The following SCLT1 variants were observed in gnomAD, a reference collection of about 807,000 sequenced individuals.
SCLT1 encodes the protein sodium channel-associated protein 1.
SCLT1 carries 78 observed loss-of-function variants against 112.8 expected under a neutral mutation model. The observed-to-expected ratio is 0.69, with a 90% CI of 0.58 to 0.83. The LOEUF is 0.83. SCLT1 is among the 40% of genes least tolerant of loss of function. The pLI, the probability that SCLT1 is intolerant of heterozygous loss-of-function variation, is 0.00. For synonymous variants in SCLT1, 257 were observed against 254.7 expected (o/e 1.01, Z -0.09); for missense variants, 747 against 770.4 (o/e 0.97, Z 0.36).
chr4:128,975,604 T>C lies in SCLT1; in HGVS notation c.687-5136A>G, dbSNP rs527421444. ...TTGCATACAGTGAAAAATGGTAAGATTCTCAGATATAAAAGCTAGTTTTTG... is the reference window on the plus strand; with the variant it reads ...TTGCATACAGTGAAAAATGGTAAGACTCTCAGATATAAAAGCTAGTTTTTG... On this transcript the variant is annotated intron_variant, in intron 9 of 20. Transcript: ENST00000281142. Among the ~76,000 whole-genome samples, 4 of 152,310 alleles carry C rather than the reference T, an allele frequency of 2.6e-5. No individual in the cohort carries two copies. In the East Asian group the frequency reaches 7.7e-4, roughly 29 times the overall value.
intron 10 of SCLT1, among the ~76,000 whole-genome samples, chr4:128,967,399 AC>A (rs1205055973): frequency 2.0e-5 from 3 of 152,212 alleles, no homozygotes; most frequent in African/African-American, 7.2e-5. Context: ...GTTGAATGGC[AC>A]TTCTGTTTTG....
chr4:128,982,803 G>C (rs1285401169), intron 9 of SCLT1, among the ~76,000 whole-genome samples: 1 of 151,672 alleles, frequency 6.6e-6, no homozygotes, highest in East Asian at 2.0e-4. Context: ...CACCTGGCCA[G>C]CTAAAATTAT....
rs533177585 is a variant in SCLT1, at chr4:128,941,069, A to T, written c.1632+1927T>A. ...CATGATTTTTTATTCGGTTACAAAT[A>T]GTTTTCTCTTATATTTTTAAAAGCT... On this transcript the variant is annotated intron_variant, in intron 17 of 20. Coordinates refer to ENST00000281142, the MANE Select transcript of SCLT1 (RefSeq NM_144643.4). 1.2e-4 allele frequency among the ~76,000 whole-genome samples: 18 copies of T among 152,112 alleles called. No individual in the cohort carries two copies. The South Asian group carries it at 3.7e-3, about 32-fold the overall frequency.
intron 18 of SCLT1, among the ~76,000 whole-genome samples, chr4:128,928,009 T>G (rs983962125): frequency 6.6e-6 from 1 of 151,910 alleles, no homozygotes; most frequent in African/African-American, 2.4e-5. Flanking sequence ...TTGACATATA[T>G]CTATAAAAAT....
chr4:128,882,617 A>T (rs533089351), downstream of SCLT1, among the ~76,000 whole-genome samples: 1 of 152,322 alleles, frequency 6.6e-6, no homozygotes, highest in African/African-American at 2.4e-5. Flanking sequence ...GGTGCTAGGG[A>T]TAAAATGAAT....
chr4:129,051,321 T>C (rs1002837911), intron 2 of SCLT1, among the ~76,000 whole-genome samples: 20 of 152,304 alleles, frequency 1.3e-4, no homozygotes, highest in Non-Finnish European at 1.6e-4. Context: ...TTGCACAGCA[T>C]GGCCATTTTC....
At chr4:129,072,760 C>A (rs923629430) in intron 2 of SCLT1, among the ~76,000 whole-genome samples, 3 of 152,010 alleles carry the variant, frequency 2.0e-5, no homozygotes, top group African/African-American at 7.2e-5. Flanking sequence ...CTTGTCCCTC[C>A]CTGATTAGCT....
intron 5 of SCLT1, among the ~76,000 whole-genome samples, chr4:129,025,139 A>C (rs1238188272): frequency 1.3e-5 from 2 of 152,242 alleles, no homozygotes; most frequent in Admixed American, 6.5e-5. Flanking sequence ...GATATTATTC[A>C]GGAGAACTTC....
intron 18 of SCLT1, among the ~76,000 whole-genome samples, chr4:128,897,153 T>G (rs529256578): frequency 2.2e-4 from 34 of 152,032 alleles, no homozygotes; most frequent in Admixed American, 4.6e-4. Context: ...CCAACGTTCA[T>G]ATTCAGGAAA....
chr4:129,082,375 T>C lies in SCLT1; in HGVS notation c.35-2A>G. The C allele has an allele frequency of 6.3e-7, 1 of 1,581,186 alleles. No individual in the cohort carries two copies. The highest frequency in any genetic ancestry group is 8.6e-7 in the Non-Finnish European group (1 of 1,160,438). On this transcript the variant is annotated splice_acceptor_variant, in intron 1 of 20. Transcript: ENST00000281142. LOFTEE classifies it high-confidence loss of function. ...TAAAATCTTCATTTAGTCTTCGATC[T>C]GAAACAAGCGGGAAAACAGATTTCA... is the stretch of plus-strand genomic sequence containing the variant.
At chr4:128,966,634 T>C (rs1740218378) in intron 10 of SCLT1, among the ~76,000 whole-genome samples, 1 of 152,236 alleles carries the variant, frequency 6.6e-6, no homozygotes, top group Non-Finnish European at 1.5e-5. Context: ...GAGTTGTCAT[T>C]TGGTGTCATT....
intron 9 of SCLT1, among the ~76,000 whole-genome samples, chr4:128,982,634 T>C (rs899467614): frequency 7.2e-5 from 11 of 151,970 alleles, no homozygotes; most frequent in Non-Finnish European, 1.3e-4. Context: ...CCTGAGTAGC[T>C]GGGATTACAG....
intron 18 of SCLT1, among the ~76,000 whole-genome samples, chr4:128,917,163 C>G (rs760523174): frequency 6.6e-6 from 1 of 152,108 alleles, no homozygotes; most frequent in Non-Finnish European, 1.5e-5. Context: ...CCTTCACCTT[C>G]TACCTCGTGA....
intron 1 of SCLT1, among the ~76,000 whole-genome samples, chr4:129,087,597 T>A (rs542932749): frequency 4.3e-5 from 6 of 140,612 alleles, no homozygotes; most frequent in African/African-American, 1.1e-4. Context: ...AAATAAAAAA[T>A]AAAAATATTA....
chr4:129,029,848 T>C (rs1030615329), intron 5 of SCLT1, among the ~76,000 whole-genome samples: 4 of 151,998 alleles, frequency 2.6e-5, no homozygotes, highest in Non-Finnish European at 5.9e-5. Flanking sequence ...AGACTTAGGC[T>C]CCCATACAAT....
chr4:128,976,901 TAC>T (rs1411132131), intron 9 of SCLT1, among the ~76,000 whole-genome samples: 2 of 152,188 alleles, frequency 1.3e-5, no homozygotes, highest in Non-Finnish European at 2.9e-5. Flanking sequence ...CCATGGGGAC[TAC>T]AATGTCAATG....
chr4:129,082,106 C>T, intron 2 of SCLT1, among the ~76,000 whole-genome samples, 200 bp downstream of exon 2: 1 of 152,112 alleles, frequency 6.6e-6, no homozygotes, highest in East Asian at 1.9e-4. Context: ...AGAACTCAGA[C>T]ATTTTATATA....
intron 18 of SCLT1, among the ~76,000 whole-genome samples, chr4:128,922,167 G>A (rs1382812126): frequency 6.6e-6 from 1 of 152,122 alleles, no homozygotes; most frequent in Admixed American, 6.6e-5. Context: ...GCAAGGTTGT[G>A]GAGAAAACGG....
intron 18 of SCLT1, among the ~76,000 whole-genome samples, chr4:128,921,458 C>G (rs1049642949): frequency 6.6e-6 from 1 of 152,080 alleles, no homozygotes; most frequent in African/African-American, 2.4e-5. Context: ...AAATAAGACA[C>G]ATAGACCAAT....
Sources: allele counts gnomAD v4.1 joint callset (sites outside exome capture counted in the v4.1 genomes callset), GRCh38; gene constraint gnomAD v4.1.1; transcripts MANE v1.5; gene names NCBI Gene and HGNC (gene_info 2026-07-23, HGNC 2026-07-21).